The following SAMD5 variants were observed in gnomAD, a reference collection of about 807,000 sequenced individuals.
SAMD5 encodes the protein sterile alpha motif domain-containing protein 5.
SAMD5 carries 13 observed loss-of-function variants against 11.3 expected under a neutral mutation model. That is an observed-to-expected ratio of 1.15 (90% CI 0.75 to 1.83). The LOEUF is 1.83. SAMD5 is among the 40% of genes most tolerant of loss of function. The pLI, the probability that SAMD5 is intolerant of heterozygous loss-of-function variation, is 0.00. For synonymous variants in SAMD5, 129 were observed against 111.3 expected, an observed-to-expected ratio of 1.16 and a Z score of -1.00; for missense variants, 255 against 239.1, an observed-to-expected ratio of 1.07 and a Z score of -0.44.
At position 147,697,225 on chromosome 6, in the gene SAMD5, G is replaced by A. The variant is rs181840607; in HGVS notation, c.163-40092G>A. 2.8e-4 allele frequency among the ~76,000 whole-genome samples: 42 copies of A among 152,316 alleles called. No individual in the cohort carries two copies. The East Asian group carries it at 5.0e-3, about 18-fold the overall frequency. ...CCAAGGAAGAAGGGTTTAATCGGGC[G>A]CTGCAGCCAAGGAGATGGGAGCTCA... On this transcript the variant is annotated intron_variant, in intron 1 of 1. Transcript: ENST00000566741.
chr6:147,512,053 C>T (rs1788098605), intron 1 of SAMD5, among the ~76,000 whole-genome samples: 8 of 152,140 alleles, frequency 5.3e-5, no homozygotes, highest in Admixed American at 3.3e-4. Flanking sequence ...CTCCTGGGTT[C>T]AAGCAATTCT....
chr6:147,584,481 G>A (rs1357018614), intron 1 of SAMD5, among the ~76,000 whole-genome samples: 3 of 152,156 alleles, frequency 2.0e-5, no homozygotes, highest in Non-Finnish European at 4.4e-5. Context: ...CCTGCAGCTG[G>A]CTCAGCCCAT....
chr6:147,926,062 C>T, the SAMD5 span, among the ~76,000 whole-genome samples: 3 of 152,246 alleles, frequency 2.0e-5, no homozygotes, highest in East Asian at 5.8e-4. Flanking sequence ...ATATATGTAC[C>T]ACATTGTCTT....
At chr6:147,509,557 C>T (rs1473053901) in intron 1 of SAMD5, among the ~76,000 whole-genome samples, 170 bp downstream of exon 1, 3 of 152,102 alleles carry the variant, frequency 2.0e-5, no homozygotes, top group African/African-American at 7.2e-5. Flanking sequence ...ATTATTTCGT[C>T]CTTCCTGGTG....
At chr6:147,518,142 C>T (rs779552213) in intron 1 of SAMD5, among the ~76,000 whole-genome samples, 4 of 152,034 alleles carry the variant, frequency 2.6e-5, no homozygotes, top group South Asian at 2.1e-4. Context: ...AAATCGTGCC[C>T]GGATATCAGT....
chr6:147,686,224 T>C (rs759568471), intron 1 of SAMD5, among the ~76,000 whole-genome samples: 1 of 152,232 alleles, frequency 6.6e-6, no homozygotes, highest in Non-Finnish European at 1.5e-5. Flanking sequence ...TGCAGGCATC[T>C]TCTCTGACTC....
intron 1 of SAMD5, among the ~76,000 whole-genome samples, chr6:147,529,038 T>A (rs1788387877): frequency 6.6e-6 from 1 of 152,208 alleles, no homozygotes; most frequent in Non-Finnish European, 1.5e-5. Context: ...ATAACAGTGT[T>A]TCCTCCTGCC....
chr6:147,510,977 C>T (rs1788079236), intron 1 of SAMD5, among the ~76,000 whole-genome samples: 1 of 152,118 alleles, frequency 6.6e-6, no homozygotes, highest in Non-Finnish European at 1.5e-5. Context: ...CACAGCAGGT[C>T]AAAGGAGATC....
the SAMD5 span, among the ~76,000 whole-genome samples, chr6:147,757,298 T>C: frequency 1.3e-5 from 2 of 152,190 alleles, no homozygotes; most frequent in East Asian, 3.8e-4. Flanking sequence ...TATAGGGGTG[T>C]CTTTGCTGCC....
chr6:147,952,888 T>A, the SAMD5 span, among the ~76,000 whole-genome samples: 1 of 152,210 alleles, frequency 6.6e-6, no homozygotes, highest in East Asian at 1.9e-4. Context: ...CATAATGTAT[T>A]ATCTCCTTTT....
chr6:147,821,293 G>A, the SAMD5 span, among the ~76,000 whole-genome samples: 275 of 152,204 alleles, frequency 1.8e-3, no homozygotes, highest in Admixed American at 4.0e-3. Flanking sequence ...TTTTTGTTTT[G>A]AGTAGATGTC....
At chr6:147,884,132 G>A in the SAMD5 span, among the ~76,000 whole-genome samples, 2 of 151,964 alleles carry the variant, frequency 1.3e-5, no homozygotes, top group African/African-American at 4.8e-5. Flanking sequence ...ATACACTGGT[G>A]GAGTTTCTCC....
chr6:147,612,172 A>C (rs1489446706), intron 1 of SAMD5, among the ~76,000 whole-genome samples: 1 of 152,144 alleles, frequency 6.6e-6, no homozygotes, highest in East Asian at 1.9e-4. Flanking sequence ...CCTTAACTCT[A>C]ACCCATCTCT....
At chr6:147,625,391 A>G (rs1790036679) in intron 1 of SAMD5, among the ~76,000 whole-genome samples, 1 of 152,212 alleles carries the variant, frequency 6.6e-6, no homozygotes, top group Non-Finnish European at 1.5e-5. Context: ...TACCAAATAA[A>G]GTCAACACTG....
In SAMD5 at chr6:147,567,345, A is replaced by C. The variant is rs747395441; in HGVS notation, c.*2889A>C. On this transcript the variant is annotated 3_prime_UTR_variant, in exon 2 of 2. Coordinates refer to ENST00000367474, the MANE Select transcript of SAMD5 (RefSeq NM_001030060.3). ...TTATAGCATCTTGGTGTTATGCAAT[A>C]AACAATGACAACAACAAGCATTGAG... The C allele has an allele frequency of 9.1e-6, 9 of 985,154 alleles. No individual in the cohort carries two copies. Among genetic ancestry groups the C allele is most frequent in the Non-Finnish European group, 1.1e-5 (9 of 829,770 alleles). 61.0% of individuals were successfully genotyped at this position (985,154 alleles called of 1,614,324 possible).
the SAMD5 span, among the ~76,000 whole-genome samples, chr6:147,745,471 G>T: frequency 6.6e-6 from 1 of 152,132 alleles, no homozygotes; most frequent in African/African-American, 2.4e-5. Flanking sequence ...AGGTAGGTCC[G>T]ATTATTATAC....
chr6:147,687,705 T>C (rs944957896), intron 1 of SAMD5, among the ~76,000 whole-genome samples: 4 of 152,238 alleles, frequency 2.6e-5, no homozygotes, highest in African/African-American at 9.6e-5. Context: ...TTATGAAGGA[T>C]GTTGTTACAC....
intron 1 of SAMD5, among the ~76,000 whole-genome samples, chr6:147,701,657 A>AT (rs1791255145): frequency 1.3e-5 from 2 of 151,514 alleles, no homozygotes; most frequent in South Asian, 4.3e-4. Context: ...TGTCTCAAAA[A>AT]AAAAAAAAAA....
the SAMD5 span, among the ~76,000 whole-genome samples, chr6:147,787,629 G>A: frequency 2.6e-5 from 4 of 152,276 alleles, no homozygotes; most frequent in African/African-American, 7.2e-5. Flanking sequence ...CAAACAGAGA[G>A]CAATTTTCTG....
Sources: gnomAD v4.1 joint callset for allele counts (sites outside exome capture counted in the v4.1 genomes callset) on GRCh38, gnomAD v4.1.1 for gene constraint, MANE v1.5 for transcripts, NCBI Gene and HGNC (gene_info 2026-07-23, HGNC 2026-07-21) for gene names.